The following FSTL4 variants were observed in gnomAD, a reference collection of about 807,000 sequenced individuals.
FSTL4 encodes the protein follistatin like 4, also known as follistatin-related protein 4.
A neutral mutation model predicts 78.2 loss-of-function variants in FSTL4; 28 were observed. The observed-to-expected ratio is 0.36, with a 90% CI of 0.27 to 0.49. The LOEUF (loss-of-function observed/expected upper bound fraction) is 0.49, where lower values mean the gene tolerates loss of function less well. Among genes scored for constraint, FSTL4 ranks in the 20% least tolerant of loss-of-function variants. FSTL4 has a pLI of 0.98. For missense variants in FSTL4, 922 were observed against 1,084.9 expected (o/e 0.85, Z 2.11); for synonymous variants, 422 against 440.5 (o/e 0.96, Z 0.53).
the FSTL4 span, among the ~76,000 whole-genome samples, chr5:133,726,163 C>T: frequency 3.9e-5 from 6 of 152,150 alleles, no homozygotes; most frequent in Non-Finnish European, 8.8e-5. Context: ...GTCAGTGTCC[C>T]TATGCCTGAC....
the FSTL4 span, among the ~76,000 whole-genome samples, chr5:133,701,509 A>ACACACACACACACACACACACACCCC: frequency 7.5e-6 from 1 of 132,624 alleles, no homozygotes; most frequent in East Asian, 2.2e-4. Flanking sequence ...ACACACACAC[A>ACACACACACACACACACACACACCCC]CCCCACAGGC....
chr5:133,422,936 C>G (rs1367812979), intron 3 of FSTL4, among the ~76,000 whole-genome samples: 2 of 152,222 alleles, frequency 1.3e-5, no homozygotes, highest in Non-Finnish European at 1.5e-5. Flanking sequence ...AAACAACACC[C>G]AAGCCCCTCT....
intron 4 of FSTL4, among the ~76,000 whole-genome samples, chr5:133,360,684 G>C (rs575364440): frequency 6.6e-6 from 1 of 152,042 alleles, no homozygotes; most frequent in African/African-American, 2.4e-5. Flanking sequence ...ATTATGCTCA[G>C]TAAAAATAAA....
At chr5:133,739,281 CTTTTTCTT>C in the FSTL4 span, among the ~76,000 whole-genome samples, 1 of 126,994 alleles carries the variant, frequency 7.9e-6, no homozygotes, top group Non-Finnish European at 1.7e-5. Context: ...TTTGATTTTT[CTTTTTCTT>C]TTTTTTTTTT....
intron 5 of FSTL4, 87 bp from the exon 6 acceptor site, chr5:133,312,864 T>A: frequency 1.4e-3 from 1,290 of 921,982 alleles, no homozygotes; most frequent in Non-Finnish European, 2.1e-3. Context: ...CAAGAGGGAA[T>A]CCAGGGACAG....
At chr5:133,490,643 G>C (rs1758249324) in intron 3 of FSTL4, among the ~76,000 whole-genome samples, 1 of 152,130 alleles carries the variant, frequency 6.6e-6, no homozygotes, top group South Asian at 2.1e-4. Context: ...TGATCCTTGA[G>C]TTATTTCAAA....
chr5:133,394,735 G>T (rs566427740), intron 4 of FSTL4, among the ~76,000 whole-genome samples: 1 of 152,250 alleles, frequency 6.6e-6, no homozygotes, highest in East Asian at 1.9e-4. Context: ...TGAGGAGTGC[G>T]GGTGCACTGC....
chr5:133,571,816 C>T (rs1760161553), intron 2 of FSTL4, among the ~76,000 whole-genome samples: 1 of 151,862 alleles, frequency 6.6e-6, no homozygotes, highest in Non-Finnish European at 1.5e-5. Context: ...AAGATGGAAG[C>T]TAGATCAGTA....
intron 7 of FSTL4, among the ~76,000 whole-genome samples, chr5:133,240,461 C>G (rs1259132605): frequency 1.3e-5 from 2 of 152,164 alleles, no homozygotes; most frequent in Non-Finnish European, 2.9e-5. Context: ...TGTGAGCAAC[C>G]TGGAGTGGGC....
intron 3 of FSTL4, among the ~76,000 whole-genome samples, chr5:133,443,499 C>T (rs1757202289): frequency 6.6e-6 from 1 of 152,206 alleles, no homozygotes; most frequent in African/African-American, 2.4e-5. Context: ...CCCTTCAGGC[C>T]CATCCCTCTG....
rs530820803 is a variant in FSTL4, at chr5:133,311,062, G to C, written c.727+1592C>G. On this transcript the variant is annotated intron_variant, in intron 6 of 15. Coordinates refer to ENST00000265342, the MANE Select transcript of FSTL4 (RefSeq NM_015082.2). The stretch of plus-strand genomic sequence containing the variant: ...CCCCTTCCCCTTTTTGGTAGCATAT[G>C]TGTGGTGTGAATTTCTATGATGTAA... Among the ~76,000 whole-genome samples, 5 of 152,288 alleles carry C rather than the reference G, an allele frequency of 3.3e-5. No homozygotes were observed. In the South Asian group the frequency reaches 1.0e-3, roughly 32 times the overall value.
At chr5:133,445,624 C>T (rs887966504) in intron 3 of FSTL4, among the ~76,000 whole-genome samples, 1 of 152,186 alleles carries the variant, frequency 6.6e-6, no homozygotes. Flanking sequence ...CTGGGAGTCT[C>T]TAAGATACCA....
At chr5:133,815,957 C>G in the FSTL4 span, among the ~76,000 whole-genome samples, 2 of 152,160 alleles carry the variant, frequency 1.3e-5, no homozygotes, top group African/African-American at 2.4e-5. Context: ...TTACAAAGAC[C>G]TGGAGAATCA....
the FSTL4 span, among the ~76,000 whole-genome samples, chr5:133,827,284 C>T: frequency 4.6e-5 from 7 of 152,182 alleles, no homozygotes; most frequent in African/African-American, 1.7e-4. Context: ...CACCTGGCTG[C>T]CTCTGACAGG....
intron 3 of FSTL4, among the ~76,000 whole-genome samples, chr5:133,463,277 T>C (rs756542526): frequency 9.2e-5 from 14 of 152,182 alleles, no homozygotes; most frequent in African/African-American, 1.4e-4. Context: ...TAGCAAAGAA[T>C]CCTGAGAAGC....
Position 133,319,913 on chromosome 5 carries a change from G to A in FSTL4, c.410-3261C>T, listed in dbSNP as rs561681126. 2.1e-4 allele frequency among the ~76,000 whole-genome samples: 32 copies of A among 152,298 alleles called. No homozygotes were observed. In the South Asian group the frequency reaches 5.4e-3, roughly 26 times the overall value. On this transcript the variant is annotated intron_variant, in intron 4 of 15. Transcript: ENST00000265342. ...AAATTACTGAGCTCCTCTGGTGCCCGACAGCACTGGGGAAGGGCCATGGAC... is the reference window on the plus strand; with the variant it reads ...AAATTACTGAGCTCCTCTGGTGCCCAACAGCACTGGGGAAGGGCCATGGAC...
chr5:133,522,095 G>A (rs1758993264), intron 3 of FSTL4, among the ~76,000 whole-genome samples: 2 of 152,088 alleles, frequency 1.3e-5, no homozygotes, highest in Admixed American at 1.3e-4. Flanking sequence ...ATATAGCTGT[G>A]GGGAAAATTA....
the FSTL4 span, among the ~76,000 whole-genome samples, chr5:133,769,001 G>A: frequency 6.6e-6 from 1 of 152,210 alleles, no homozygotes; most frequent in East Asian, 1.9e-4. Flanking sequence ...AGGACACAGA[G>A]CCTGTTGCAA....
At chr5:133,315,925 A>G (rs28497017) in intron 5 of FSTL4, among the ~76,000 whole-genome samples, 9,559 of 152,258 alleles carry the variant, frequency 0.063, 977 homozygotes, top group African/African-American at 0.22. Flanking sequence ...TGTGTTGAAC[A>G]CTGCAGTCTC....
Sources: gnomAD v4.1 joint callset for allele counts (sites outside exome capture counted in the v4.1 genomes callset) on GRCh38, gnomAD v4.1.1 for gene constraint, MANE v1.5 for transcripts, NCBI Gene and HGNC (gene_info 2026-07-23, HGNC 2026-07-21) for gene names.